FNDC3B: variants seen among roughly 807,000 people sequenced by gnomAD.
The protein encoded by FNDC3B is fibronectin type III domain containing 3B, also known as fibronectin type III domain-containing protein 3B.
A neutral mutation model predicts 151.5 loss-of-function variants in FNDC3B; 12 were observed. That is an observed-to-expected ratio of 0.08 (90% CI 0.05 to 0.13). FNDC3B has a LOEUF of 0.13. Among genes scored for constraint, FNDC3B ranks in the 10% least tolerant of loss-of-function variants. The pLI is 1.00. For missense variants in FNDC3B, 1,214 were observed against 1,505.3 expected (o/e 0.81, Z 3.20); for synonymous variants, 528 against 549.0 (o/e 0.96, Z 0.54).
rs576369216 is a variant in FNDC3B at position 172,051,307 on chromosome 3, A to G, written c.-29+11536A>G. ...GTTTCTCCTAACTTAACATTTTCTTAAATATCTTCTAGCACTTTATCTGTA... is the reference window on the plus strand; with the variant it reads ...GTTTCTCCTAACTTAACATTTTCTTGAATATCTTCTAGCACTTTATCTGTA... On this transcript the variant is annotated intron_variant, in intron 1 of 25. Transcript: ENST00000415807. Among the ~76,000 whole-genome samples, 7 of 151,798 alleles carry G rather than the reference A, an allele frequency of 4.6e-5. 1 individual carries two copies. The highest frequency in any genetic ancestry group is 1.2e-4 in the African/African-American group (5 of 41,366).
intron 11 of FNDC3B, 128 bp downstream of exon 11, chr3:172,311,009 T>A: frequency 4.2e-6 from 3 of 707,656 alleles, no homozygotes. Context: ...TAGAGAAATT[T>A]AAATCAATAG....
At chr3:172,198,627 G>A (rs1724974071) in intron 3 of FNDC3B, among the ~76,000 whole-genome samples, 1 of 152,112 alleles carries the variant, frequency 6.6e-6, no homozygotes, top group Non-Finnish European at 1.5e-5. Flanking sequence ...GACTGCCATC[G>A]TAGGTGATGT....
chr3:172,111,985 C>T (rs1720000336), intron 1 of FNDC3B, among the ~76,000 whole-genome samples: 1 of 152,106 alleles, frequency 6.6e-6, no homozygotes, highest in African/African-American at 2.4e-5. Context: ...AGAATAAACA[C>T]TTCTTAAGGA....
intron 3 of FNDC3B, among the ~76,000 whole-genome samples, chr3:172,143,968 T>G (rs1239850958): frequency 3.3e-5 from 5 of 151,628 alleles, no homozygotes; most frequent in Admixed American, 1.3e-4. Context: ...ATGAGGCTCA[T>G]TCGTGCTTGT....
At chr3:172,184,349 ACC>A (rs1049733104) in intron 3 of FNDC3B, 1 of 152,210 alleles carries the variant, frequency 6.6e-6, no homozygotes, top group Admixed American at 6.5e-5. Flanking sequence ...ATAAACATAT[ACC>A]AGAGGAGGTG....
In FNDC3B at chr3:172,295,378, G is replaced by T. The variant is rs1439087921; in HGVS notation, c.865G>T (p.Ala289Ser). 5.0e-6 allele frequency: 8 copies of T among 1,610,734 alleles called. No individual in the cohort carries two copies. The highest frequency in any genetic ancestry group is 6.8e-6 in the Non-Finnish European group (8 of 1,179,104). Residue 289 changes from alanine (A) to serine (S), a missense_variant, in exon 8 of 26, where the codon GCA becomes TCA. Coordinates refer to ENST00000415807, the MANE Select transcript of FNDC3B (RefSeq NM_022763.4). The stretch of plus-strand genomic sequence containing the variant: ...TCTTCCTCAGGTTTCTAATATTCAG[G>T]CAAGAGCAGTTGTGTTGTCCTGGGC... ...IEKPQVSNIQ[A>S]RAVVLSWAPP...
chr3:172,235,020 C>G (rs1229975696), intron 4 of FNDC3B, among the ~76,000 whole-genome samples: 1 of 152,098 alleles, frequency 6.6e-6, no homozygotes, highest in African/African-American at 2.4e-5. Context: ...AAGGAACCCA[C>G]TGACAGACTG....
chr3:172,082,835 C>T (rs1718351272), intron 1 of FNDC3B, among the ~76,000 whole-genome samples: 1 of 152,126 alleles, frequency 6.6e-6, no homozygotes, highest in Admixed American at 6.6e-5. Context: ...TTGGAAATGC[C>T]AGTTTCACAT....
intron 22 of FNDC3B, among the ~76,000 whole-genome samples, chr3:172,362,338 C>T (rs755872190): frequency 1.3e-4 from 20 of 151,986 alleles, no homozygotes; most frequent in Admixed American, 3.3e-4. Flanking sequence ...AATATAAAAG[C>T]GTATCTTTAA....
chr3:172,276,501 C>A (rs555092217), intron 6 of FNDC3B, among the ~76,000 whole-genome samples: 2 of 152,246 alleles, frequency 1.3e-5, no homozygotes, highest in Admixed American at 1.3e-4. Context: ...AGAAAAATCA[C>A]CATCTGGAAA....
intron 6 of FNDC3B, among the ~76,000 whole-genome samples, chr3:172,269,070 A>C (rs1426850768): frequency 6.6e-6 from 1 of 152,160 alleles, no homozygotes; most frequent in Non-Finnish European, 1.5e-5. Flanking sequence ...TGAAATCTTA[A>C]GTGGAGAGAA....
intron 6 of FNDC3B, among the ~76,000 whole-genome samples, chr3:172,273,073 G>A (rs1729277131): frequency 1.3e-5 from 2 of 152,074 alleles, no homozygotes; most frequent in South Asian, 4.1e-4. Flanking sequence ...AGCCTTAATA[G>A]GTTCCTCATT....
chr3:172,282,964 A>G (rs776969585), intron 6 of FNDC3B, among the ~76,000 whole-genome samples: 3 of 152,256 alleles, frequency 2.0e-5, no homozygotes, highest in Non-Finnish European at 4.4e-5. Flanking sequence ...AACCATGATG[A>G]GCTAAGTAAG....
At chr3:172,158,879 C>T (rs979823634) in intron 3 of FNDC3B, among the ~76,000 whole-genome samples, 1 of 152,198 alleles carries the variant, frequency 6.6e-6, no homozygotes, top group Non-Finnish European at 1.5e-5. Flanking sequence ...CTCTTCCTCT[C>T]CCTCCTCCCT....
chr3:172,231,873 T>G (rs1726908788), intron 4 of FNDC3B, among the ~76,000 whole-genome samples: 1 of 147,044 alleles, frequency 6.8e-6, no homozygotes, highest in Non-Finnish European at 1.5e-5. Context: ...ATGGTCTTTA[T>G]TTACCGTTTT....
chr3:172,297,890 G>A (rs2108225443), intron 8 of FNDC3B, among the ~76,000 whole-genome samples: 1 of 152,232 alleles, frequency 6.6e-6, no homozygotes, highest in African/African-American at 2.4e-5. Flanking sequence ...AACTTACATT[G>A]ATATGATACT....
At chr3:172,159,498 C>T (rs1442589020) in intron 3 of FNDC3B, among the ~76,000 whole-genome samples, 1 of 152,192 alleles carries the variant, frequency 6.6e-6, no homozygotes, top group African/African-American at 2.4e-5. Context: ...GAGATGCCAG[C>T]TCTCCGTAAA....
chr3:172,344,233 G>C lies in FNDC3B; in HGVS notation c.2225G>C (p.Arg742Pro). The stretch of plus-strand genomic sequence containing the variant: ...CTTCCTGGAACCGTGTATCGCTTCC[G>C]GGTGAGGGCTCTGAATGATGGAGGG... ...NLLPGTVYRF[R>P]VRALNDGGYG... The change falls in exon 19 of 26, where the codon CGG becomes CCG. Residue 742 changes from arginine (R) to proline (P), a missense_variant. By Grantham distance (103) the Arg-to-Pro change is moderately radical (BLOSUM62 -2). Around this residue, in one of 7 missense-constraint regions of FNDC3B, gnomAD observed 380 missense variants for 420.9 expected, o/e 0.90. Transcript: ENST00000415807. 1 of 1,613,924 alleles carries C rather than the reference G, an allele frequency of 6.2e-7. No individual in the cohort carries two copies. The highest frequency in any genetic ancestry group is 8.5e-7 in the Non-Finnish European group (1 of 1,179,906).
intron 22 of FNDC3B, among the ~76,000 whole-genome samples, chr3:172,360,380 A>G (rs1231108151): frequency 6.6e-6 from 1 of 152,178 alleles, no homozygotes; most frequent in Non-Finnish European, 1.5e-5. Context: ...ATTGGCACAT[A>G]CATTCTTCCA....
Sources: gnomAD v4.1 joint callset for allele counts (sites outside exome capture counted in the v4.1 genomes callset) on GRCh38, gnomAD v4.1.1 for gene constraint, gnomAD v4.1.1 regional missense constraint, MANE v1.5 for transcripts, NCBI Gene and HGNC (gene_info 2026-07-23, HGNC 2026-07-21) for gene names.